Variants in CSGALNACT1 observed in about 807,000 individuals in gnomAD.
CSGALNACT1 encodes the protein beta4GalNAcT-1.
CSGALNACT1 carries 52 observed loss-of-function variants against 51.0 expected under a neutral mutation model. That is an observed-to-expected ratio of 1.02 (90% CI 0.82 to 1.29). The LOEUF is 1.29. Ranked by LOEUF, CSGALNACT1 falls within the 50% of genes most tolerant of loss-of-function variation. The probability of loss-of-function intolerance (pLI) is 0.00; values close to 1 mark genes in which losing one functional copy is unlikely to be tolerated. For synonymous variants in CSGALNACT1, 341 were observed against 254.4 expected, an observed-to-expected ratio of 1.34 and a Z score of -3.24; for missense variants, 935 against 679.2, an observed-to-expected ratio of 1.38 and a Z score of -4.19.
At chr8:19,449,436 G>C (rs2062700143) in intron 5 of CSGALNACT1, among the ~76,000 whole-genome samples, 1 of 152,060 alleles carries the variant, frequency 6.6e-6, no homozygotes, top group Admixed American at 6.5e-5. Context: ...CAAAGAAACT[G>C]GGAATCTCTA....
intron 3 of CSGALNACT1, among the ~76,000 whole-genome samples, chr8:19,583,497 A>T (rs1043363854): frequency 6.6e-6 from 1 of 152,200 alleles, no homozygotes; most frequent in African/African-American, 2.4e-5. Flanking sequence ...GTACCAGATC[A>T]GCTTCTGGCA....
intron 3 of CSGALNACT1, among the ~76,000 whole-genome samples, chr8:19,563,894 A>G (rs2041348862): frequency 6.6e-6 from 1 of 150,874 alleles, no homozygotes; most frequent in South Asian, 2.1e-4. Context: ...CCAACCCTAG[A>G]CTCCCACCAC....
At chr8:19,717,790 T>C (rs1353592326) in intron 1 of CSGALNACT1, among the ~76,000 whole-genome samples, 2 of 152,168 alleles carry the variant, frequency 1.3e-5, no homozygotes, top group South Asian at 4.1e-4. Flanking sequence ...TTTAGTTTCT[T>C]GCACTGTAAC....
At chr8:19,700,646 T>C (rs757329465) in intron 1 of CSGALNACT1, among the ~76,000 whole-genome samples, 4 of 152,324 alleles carry the variant, frequency 2.6e-5, no homozygotes, top group African/African-American at 7.2e-5. Context: ...AAACATCCGA[T>C]GTTCCTATCT....
At chr8:19,686,746 T>C (rs1255157858), upstream of CSGALNACT1, among the ~76,000 whole-genome samples, 2 of 152,120 alleles carry the variant, frequency 1.3e-5, no homozygotes, top group Non-Finnish European at 2.9e-5. Flanking sequence ...CATTCAGAAA[T>C]TTAACAACCT....
chr8:19,667,040 G>GAAGGAAGGAAGGAAGGAAGGAAGA (rs1564386938), intron 1 of CSGALNACT1, among the ~76,000 whole-genome samples: 4 of 34,966 alleles, frequency 1.1e-4, no homozygotes, highest in African/African-American at 5.9e-4. Context: ...AGGAAGGAAG[G>GAAGGAAGGAAGGAAGGAAGGAAGA]AAGAAAGAAA....
chr8:19,621,040 A>C (rs536744234), intron 1 of CSGALNACT1, among the ~76,000 whole-genome samples: 73 of 152,358 alleles, frequency 4.8e-4, no homozygotes, highest in African/African-American at 1.7e-3. Context: ...ATTTTTACGA[A>C]AATGAAAAAT....
chr8:19,477,065 G>T (rs931767939), intron 4 of CSGALNACT1, among the ~76,000 whole-genome samples: 1 of 152,148 alleles, frequency 6.6e-6, no homozygotes, highest in South Asian at 2.1e-4. Context: ...GCAATAACTG[G>T]AACACATGTA....
chr8:19,476,992 A>G (rs1486381522), intron 4 of CSGALNACT1, among the ~76,000 whole-genome samples: 1 of 152,182 alleles, frequency 6.6e-6, no homozygotes, highest in African/African-American at 2.4e-5. Context: ...CAGTTGCAGA[A>G]TCTGTCAGCA....
chr8:19,721,441 G>A (rs76730841), intron 1 of CSGALNACT1, among the ~76,000 whole-genome samples: 3,705 of 152,302 alleles, frequency 0.024, 73 homozygotes, highest in Non-Finnish European at 0.037. Context: ...AACAACACAT[G>A]AGACACGATC....
At chr8:19,627,378 G>A (rs1157250406) in intron 1 of CSGALNACT1, among the ~76,000 whole-genome samples, 2 of 152,056 alleles carry the variant, frequency 1.3e-5, no homozygotes, top group Non-Finnish European at 2.9e-5. Flanking sequence ...AGCGAGTTAG[G>A]GATGAAAAGA....
intron 1 of CSGALNACT1, among the ~76,000 whole-genome samples, chr8:19,717,955 A>C (rs1199087977): frequency 6.6e-6 from 1 of 152,132 alleles, no homozygotes; most frequent in Non-Finnish European, 1.5e-5. Flanking sequence ...ACAGGCCAAG[A>C]TGCCCTATAA....
exon 10 of CSGALNACT1, chr8:19,405,255 G>A (rs1219922299): frequency 1.8e-5 from 8 of 453,298 alleles, no homozygotes; most frequent in Non-Finnish European, 3.1e-5. Context: ...CGATATTTAT[G>A]GTTTCTTTTC....
intron 3 of CSGALNACT1, among the ~76,000 whole-genome samples, chr8:19,562,047 G>A (rs759283697): frequency 2.0e-5 from 3 of 152,146 alleles, no homozygotes; most frequent in Non-Finnish European, 4.4e-5. Flanking sequence ...TACCAAGCCT[G>A]CACTGAGGCA....
chr8:19,569,877 G>C (rs760187485), intron 3 of CSGALNACT1, among the ~76,000 whole-genome samples: 5 of 152,152 alleles, frequency 3.3e-5, no homozygotes, highest in Admixed American at 6.5e-5. Context: ...CAACCAAATA[G>C]AACAAACTAC....
intron 3 of CSGALNACT1, among the ~76,000 whole-genome samples, chr8:19,526,239 C>G (rs907219268): frequency 6.6e-6 from 1 of 152,046 alleles, no homozygotes; most frequent in African/African-American, 2.4e-5. Flanking sequence ...CTTGCATTTC[C>G]TTAACTAGAG....
intron 1 of CSGALNACT1, among the ~76,000 whole-genome samples, chr8:19,727,310 G>GTGTTT (rs2063454324): frequency 7.2e-6 from 1 of 139,702 alleles, no homozygotes; most frequent in Admixed American, 7.6e-5. Flanking sequence ...TTACAAAATT[G>GTGTTT]TGTTTTGTTT....
intron 1 of CSGALNACT1, among the ~76,000 whole-genome samples, chr8:19,644,709 C>CAAAAAAAAAAAA (rs756025465): frequency 4.5e-5 from 1 of 22,292 alleles, no homozygotes; most frequent in South Asian, 2.1e-3. Flanking sequence ...GACTCCGTCT[C>CAAAAAAAAAAAA]AAAAAAAAAA....
intron 1 of CSGALNACT1, among the ~76,000 whole-genome samples, chr8:19,707,095 A>T (rs982813287): frequency 3.2e-4 from 49 of 152,168 alleles, no homozygotes; most frequent in African/African-American, 1.2e-3. Context: ...TGCCTTTCTG[A>T]TCTATTCACC....
Sources: gnomAD v4.1 joint callset for allele counts (sites outside exome capture counted in the v4.1 genomes callset) on GRCh38, gnomAD v4.1.1 for gene constraint, MANE v1.5 for transcripts, NCBI Gene and HGNC (gene_info 2026-07-23, HGNC 2026-07-21) for gene names.